The following PLEKHH2 variants were observed in gnomAD, a reference collection of about 807,000 sequenced individuals.
The protein encoded by PLEKHH2 is pleckstrin homology domain-containing family H member 2.
Under a neutral mutation model 187.9 loss-of-function variants are expected in PLEKHH2, and 129 were observed. The ratio of observed to expected loss-of-function variants is 0.69; its 90% CI spans 0.59 to 0.79. The LOEUF (loss-of-function observed/expected upper bound fraction) is 0.79. PLEKHH2 is among the 30% of genes least tolerant of loss of function. The pLI, the probability that PLEKHH2 is intolerant of heterozygous loss-of-function variation, is 0.00. For synonymous variants in PLEKHH2, 686 were observed against 605.6 expected (o/e 1.13, Z -1.95); for missense variants, 2,076 against 1,751.2 (o/e 1.19, Z -3.31).
At chr2:43,710,165 G>T in intron 12 of PLEKHH2, 39 bp downstream of exon 12, 1 of 1,611,592 alleles carries the variant, frequency 6.2e-7, no homozygotes, top group African/African-American at 1.3e-5. Context: ...CAGTCAGTCA[G>T]ATTGAGCCTC....
In PLEKHH2 at chr2:43,637,289, G is replaced by T. The variant is rs901856364; in HGVS notation, c.-94G>T. On this transcript the variant is annotated 5_prime_UTR_variant, in exon 1 of 30. Coordinates refer to ENST00000282406, the MANE Select transcript of PLEKHH2 (RefSeq NM_172069.4). Reference sequence around the variant, plus strand: ...GCCCTCTCCGAGCTCGGCTTGAGGCGGGCGCGGGCTGAGAGTCCGGGGATC... The same window carrying T: ...GCCCTCTCCGAGCTCGGCTTGAGGCTGGCGCGGGCTGAGAGTCCGGGGATC... 2.0e-5 allele frequency: 3 copies of T among 152,464 alleles called. No homozygotes were observed. The highest frequency in any genetic ancestry group is 7.2e-5 in the African/African-American group (3 of 41,474). The allele number at this position is 152,464 out of a possible 1,614,324, so 9.4% of individuals were successfully genotyped here.
chr2:43,657,422 C>T (rs1447940239), intron 2 of PLEKHH2, among the ~76,000 whole-genome samples: 2 of 152,130 alleles, frequency 1.3e-5, no homozygotes, highest in East Asian at 1.9e-4. Flanking sequence ...TAAACCGCTC[C>T]CAAGGTAGCC....
chr2:43,758,584 A>T (rs531219898), intron 26 of PLEKHH2, among the ~76,000 whole-genome samples: 1 of 152,346 alleles, frequency 6.6e-6, no homozygotes, highest in Admixed American at 6.5e-5. Flanking sequence ...AAATATTCCC[A>T]TGAGAAATTA....
chr2:43,639,376 T>A (rs1703262973), intron 1 of PLEKHH2, among the ~76,000 whole-genome samples: 1 of 152,296 alleles, frequency 6.6e-6, no homozygotes, highest in South Asian at 2.1e-4. Context: ...TTCTAGAATA[T>A]TTTCATCACC....
At chr2:43,707,337 C>G in intron 10 of PLEKHH2, 64 bp from the exon 11 acceptor site, 1 of 1,588,668 alleles carries the variant, frequency 6.3e-7, no homozygotes, top group Non-Finnish European at 8.6e-7. Context: ...TAACTAGCAG[C>G]CTTTTCTTGG....
Position 43,700,055 on chromosome 2 carries a change from C to T in PLEKHH2, c.1097C>T (p.Pro366Leu). 6.2e-7 allele frequency: 1 copy of T among 1,614,160 alleles called. No homozygotes were observed. Among genetic ancestry groups the T allele is most frequent in the Non-Finnish European group, 8.5e-7 (1 of 1,180,030 alleles). ...GCACAGTGGAAAGCTCTAAATAGTCCTCTTGGAAAGGGAAATTCTGAATTA... is the reference window on the plus strand; with the variant it reads ...GCACAGTGGAAAGCTCTAAATAGTCTTCTTGGAAAGGGAAATTCTGAATTA... ...QEAQWKALNS[P>L]LGKGNSELSK... The change falls in exon 8 of 30, where the codon CCT becomes CTT. Residue 366 changes from proline (P) to leucine (L), a missense_variant. Physicochemically the swap from Pro to Leu is moderately conservative, Grantham distance 98. Transcript: ENST00000282406.
chr2:43,751,916 C>T (rs73923871), intron 24 of PLEKHH2, among the ~76,000 whole-genome samples: 2,756 of 150,134 alleles, frequency 0.018, 67 homozygotes, highest in African/African-American at 0.046. Context: ...TATTGTTTCT[C>T]TCTCTCTCTC....
At position 43,747,924 on chromosome 2, in the gene PLEKHH2, T is replaced by C. The variant is rs180861494; in HGVS notation, c.3653+1961T>C. Among the ~76,000 whole-genome samples, 441 of 152,382 alleles carry C rather than the reference T, an allele frequency of 2.9e-3. 4 individuals carry two copies. Among genetic ancestry groups the C allele is most frequent in the African/African-American group, 1.0e-2 (415 of 41,594 alleles). ...TCTAATAGTCTATCCCACAGAAATATGCAGATAAGTGGGCAGAGTATTCCA... is the reference window on the plus strand; with the variant it reads ...TCTAATAGTCTATCCCACAGAAATACGCAGATAAGTGGGCAGAGTATTCCA... On this transcript the variant is annotated intron_variant, in intron 24 of 29. Coordinates refer to ENST00000282406, the MANE Select transcript of PLEKHH2 (RefSeq NM_172069.4).
At chr2:43,641,706 A>T (rs778113429) in intron 1 of PLEKHH2, among the ~76,000 whole-genome samples, 2 of 152,158 alleles carry the variant, frequency 1.3e-5, no homozygotes, top group African/African-American at 2.4e-5. Context: ...TCATTCTTTT[A>T]CATATGGATA....
chr2:43,709,294 A>T (rs1041909551), intron 11 of PLEKHH2, among the ~76,000 whole-genome samples: 1 of 152,184 alleles, frequency 6.6e-6, no homozygotes, highest in African/African-American at 2.4e-5. Flanking sequence ...GTGTTTTTTT[A>T]AAATGTGAGG....
chr2:43,660,450 TTTTTG>T (rs1667009853), intron 2 of PLEKHH2, among the ~76,000 whole-genome samples: 2 of 146,602 alleles, frequency 1.4e-5, no homozygotes, highest in Admixed American at 1.3e-4. Context: ...TTTTTTTTTT[TTTTTG>T]CCAATTAAGG....
intron 2 of PLEKHH2, chr2:43,675,475 A>G (rs369611436): frequency 3.3e-5 from 53 of 1,613,822 alleles, no homozygotes; most frequent in Non-Finnish European, 3.9e-5. Flanking sequence ...CATTACTTCC[A>G]TCTTTTGGGG....
At chr2:43,724,020 TGA>T (rs1331553800) in intron 16 of PLEKHH2, among the ~76,000 whole-genome samples, 2 of 152,208 alleles carry the variant, frequency 1.3e-5, no homozygotes, top group African/African-American at 4.8e-5. Context: ...AAAGTCAGTA[TGA>T]GAGACTGCAA....
chr2:43,732,973 C>CA (rs1671116078), intron 19 of PLEKHH2, among the ~76,000 whole-genome samples: 1 of 152,132 alleles, frequency 6.6e-6, no homozygotes, highest in Non-Finnish European at 1.5e-5. Context: ...GTCACATCCC[C>CA]CTCAAACTCT....
chr2:43,708,444 A>G (rs1669782374), intron 11 of PLEKHH2, among the ~76,000 whole-genome samples: 1 of 152,064 alleles, frequency 6.6e-6, no homozygotes, highest in South Asian at 2.1e-4. Flanking sequence ...TTCTTCCCCT[A>G]GATGTCCGTA....
intron 16 of PLEKHH2, among the ~76,000 whole-genome samples, chr2:43,723,440 G>T (rs1670584192): frequency 2.0e-5 from 3 of 152,216 alleles, no homozygotes; most frequent in Admixed American, 2.0e-4. Flanking sequence ...AAGGCAAAGA[G>T]ACTTGGGCTG....
chr2:43,655,536 G>A (rs1185256913), intron 2 of PLEKHH2, among the ~76,000 whole-genome samples: 1 of 152,164 alleles, frequency 6.6e-6, no homozygotes, highest in African/African-American at 2.4e-5. Flanking sequence ...ATCTTTGATG[G>A]ACAATGGAAG....
At chr2:43,682,006 C>T (rs547804026) in intron 3 of PLEKHH2, among the ~76,000 whole-genome samples, 1 of 152,050 alleles carries the variant, frequency 6.6e-6, no homozygotes, top group Non-Finnish European at 1.5e-5. Flanking sequence ...CCCGCATCAC[C>T]CACTTCAACA....
rs150827095 is a variant in PLEKHH2 at position 43,757,778 on chromosome 2, T to TA, written c.3941+523dup. ...AATCTATATTTAAACTTTCTTTAATTAAAAAAAAAGGCTTTAGATGTACTT... is the reference window on the plus strand; with the variant it reads ...AATCTATATTTAAACTTTCTTTAATTAAAAAAAAAAGGCTTTAGATGTACTT... On this transcript the variant is annotated intron_variant, in intron 26 of 29. Coordinates refer to ENST00000282406, the MANE Select transcript of PLEKHH2 (RefSeq NM_172069.4). 4.0e-3 allele frequency among the ~76,000 whole-genome samples: 597 copies of TA among 151,052 alleles called. 5 individuals are homozygous for TA. The highest frequency in any genetic ancestry group is 0.014 in the African/African-American group (568 of 41,252).
Sources: allele counts gnomAD v4.1 joint callset (sites outside exome capture counted in the v4.1 genomes callset), GRCh38; gene constraint gnomAD v4.1.1; transcripts MANE v1.5; gene names NCBI Gene and HGNC (gene_info 2026-07-23, HGNC 2026-07-21).